The following ATP9A variants were observed in gnomAD, a reference collection of about 807,000 sequenced individuals.
ATP9A encodes the protein ATPase phospholipid transporting 9A.
In ATP9A, 52 loss-of-function variants were observed where a neutral mutation model predicts 144.1. The ratio of observed to expected loss-of-function variants is 0.36; its 90% CI spans 0.29 to 0.45. The LOEUF is 0.45. Ranked by LOEUF, ATP9A falls within the 20% of genes least tolerant of loss-of-function variation. The pLI is 1.00. For synonymous variants in ATP9A, 582 were observed against 557.4 expected, an observed-to-expected ratio of 1.04 and a Z score of -0.62; for missense variants, 947 against 1,392.7, an observed-to-expected ratio of 0.68 and a Z score of 5.09.
chr20:51,612,717 G>A (rs1325297912), intron 23 of ATP9A, among the ~76,000 whole-genome samples: 3 of 152,196 alleles, frequency 2.0e-5, no homozygotes, highest in South Asian at 2.1e-4. Context: ...GAGCCACTGC[G>A]CCTGGCCTAT....
At chr20:51,702,613 G>T (rs982295929) in intron 4 of ATP9A, among the ~76,000 whole-genome samples, 18 of 151,984 alleles carry the variant, frequency 1.2e-4, no homozygotes, top group African/African-American at 4.4e-4. Flanking sequence ...AAGAGGGAGA[G>T]AAAAGAGAGA....
At chr20:51,727,884 T>C (rs71351239) in intron 2 of ATP9A, among the ~76,000 whole-genome samples, 5,446 of 149,176 alleles carry the variant, frequency 0.037, 144 homozygotes, top group African/African-American at 0.069. Context: ...TGAGCCGAGA[T>C]CACGCCATTG....
In ATP9A at chr20:51,624,178, G is replaced by A. The variant is rs144369219; in HGVS notation, c.2016+1014C>T. ...CCAGGCCTGTGAGCCAAATGCAAGC[G>A]ACAGAATTGGGTTTACAAGGAAACA... On this transcript the variant is annotated intron_variant, in intron 18 of 27. Coordinates refer to ENST00000338821, the MANE Select transcript of ATP9A (RefSeq NM_006045.3). 1.7e-3 allele frequency among the ~76,000 whole-genome samples: 253 copies of A among 152,338 alleles called. 2 individuals carry two copies. Among genetic ancestry groups the A allele is most frequent in the African/African-American group, 5.9e-3 (245 of 41,590 alleles).
At chr20:51,601,901 T>G (rs1418372468) in intron 27 of ATP9A, among the ~76,000 whole-genome samples, 2 of 151,566 alleles carry the variant, frequency 1.3e-5, no homozygotes, top group African/African-American at 4.9e-5. Context: ...AATAAGACAC[T>G]GTCTCAAAAA....
chr20:51,643,002 T>G (rs549219042), intron 14 of ATP9A, among the ~76,000 whole-genome samples: 3 of 152,296 alleles, frequency 2.0e-5, no homozygotes, highest in African/African-American at 7.2e-5. Flanking sequence ...ATAAAGATCT[T>G]GGAGTAGATG....
chr20:51,675,104 G>A (rs989263421), intron 10 of ATP9A, among the ~76,000 whole-genome samples: 1 of 152,126 alleles, frequency 6.6e-6, no homozygotes, highest in Non-Finnish European at 1.5e-5. Flanking sequence ...GAGCCACCGT[G>A]CCCGGCCCTG....
chr20:51,675,998 AC>A lies in ATP9A; in HGVS notation c.876+133del, dbSNP rs1437162388. The stretch of plus-strand genomic sequence containing the variant: ...ATATGTATTTATTGCATACACACAC[AC>A]ACATATGCATAAAAAGATAAAATGT... On this transcript the variant is annotated intron_variant, in intron 10 of 27. Transcript: ENST00000338821. The A allele has an allele frequency of 4.8e-6, 3 of 624,296 alleles. No homozygotes were observed. In the African/African-American group the frequency reaches 5.5e-5, roughly 12 times the overall value. 38.7% of individuals were successfully genotyped at this position (624,296 alleles called of 1,614,324 possible).
chr20:51,657,072 C>T lies in ATP9A; in HGVS notation c.1372G>A (p.Glu458Lys), dbSNP rs767492582. Reference protein sequence around the residue: ...VRRTMSSRVHEAVKAIALCHN... With the variant: ...VRRTMSSRVHKAVKAIALCHN... ...CAGAGCGCGATGGCCTTCACGGCTT[C>T]GTGCACGCGGCTGCTCATGGTCCGC... Residue 458 changes from glutamate (E) to lysine (K), a missense_variant, in exon 14 of 28, where the codon GAA (glutamate) becomes AAA (lysine). Around this residue, in one of 2 missense-constraint regions of ATP9A, gnomAD observed 770 missense variants for 1,047.9 expected, o/e 0.73. Transcript: ENST00000338821. 8 of 1,614,052 alleles carry T rather than the reference C, an allele frequency of 5.0e-6. No individual in the cohort carries two copies. The highest frequency in any genetic ancestry group is 1.3e-5 in the African/African-American group (1 of 74,914).
At chr20:51,731,274 G>C (rs760107088) in intron 1 of ATP9A, among the ~76,000 whole-genome samples, 1 of 151,734 alleles carries the variant, frequency 6.6e-6, no homozygotes, top group Non-Finnish European at 1.5e-5. Flanking sequence ...ACTCCAGCCT[G>C]GGCAACAGAG....
chr20:51,742,955 T>C (rs1004123337), intron 1 of ATP9A, among the ~76,000 whole-genome samples: 1 of 152,200 alleles, frequency 6.6e-6, no homozygotes, highest in Non-Finnish European at 1.5e-5. Flanking sequence ...TTCCTGCCCA[T>C]GAATTCCTTA....
chr20:51,614,398 T>G (rs950905716), intron 22 of ATP9A, among the ~76,000 whole-genome samples: 1 of 152,122 alleles, frequency 6.6e-6, no homozygotes, highest in East Asian at 1.9e-4. Flanking sequence ...CCTCCCAGGT[T>G]CAAGCCATCC....
At chr20:51,658,959 G>A (rs1299071298) in intron 13 of ATP9A, among the ~76,000 whole-genome samples, 1 of 133,850 alleles carries the variant, frequency 7.5e-6, no homozygotes, top group Non-Finnish European at 1.5e-5. Context: ...ACACCTGCCT[G>A]CATCTCCAGC....
intron 19 of ATP9A, among the ~76,000 whole-genome samples, chr20:51,621,790 T>C (rs1265135674): frequency 6.6e-6 from 1 of 152,138 alleles, no homozygotes; most frequent in African/African-American, 2.4e-5. Flanking sequence ...GGGGAGTGCC[T>C]GACTTTCATC....
chr20:51,671,734 C>T (rs1042926237), intron 11 of ATP9A, among the ~76,000 whole-genome samples: 2 of 152,122 alleles, frequency 1.3e-5, no homozygotes, highest in Admixed American at 1.3e-4. Flanking sequence ...AACGCCCCAT[C>T]CCCCACCAAC....
chr20:51,600,017 G>A lies in ATP9A; in HGVS notation c.*1194C>T, dbSNP rs6512729. 277 of 152,250 alleles carry A rather than the reference G, an allele frequency of 1.8e-3. 1 individual carries two copies. The highest frequency in any genetic ancestry group is 6.3e-3 in the African/African-American group (260 of 41,526). 9.4% of individuals were successfully genotyped at this position (152,250 alleles called of 1,614,324 possible). A position where few individuals can be genotyped will look rare whatever the true frequency, so the allele number is the denominator to read the frequency against. The stretch of plus-strand genomic sequence containing the variant: ...AACATGCCGGCATGTAGTCCATCCT[G>A]GGAGGGGAGAAATCTTCACCACTGG... On this transcript the variant is annotated 3_prime_UTR_variant, in exon 28 of 28. Coordinates refer to ENST00000338821, the MANE Select transcript of ATP9A (RefSeq NM_006045.3).
rs182014735 is a variant in ATP9A at position 51,637,680 on chromosome 20, A to G, written c.1668+1663T>C. On this transcript the variant is annotated intron_variant, in intron 15 of 27. Coordinates refer to ENST00000338821, the MANE Select transcript of ATP9A (RefSeq NM_006045.3). ...CCAACAACCTATGTTATCAATTTCTACTTCTACTTGTGCACTCTGTTTTTT... is the reference window on the plus strand; with the variant it reads ...CCAACAACCTATGTTATCAATTTCTGCTTCTACTTGTGCACTCTGTTTTTT... Among the ~76,000 whole-genome samples the G allele has an allele frequency of 4.2e-3, 616 of 148,030 alleles. 3 individuals carry two copies. The highest frequency in any genetic ancestry group is 6.5e-3 in the Non-Finnish European group (438 of 67,296).
At chr20:51,690,934 T>G (rs2077545948) in intron 7 of ATP9A, 115 bp from the exon 8 acceptor site, 2 of 819,412 alleles carry the variant, frequency 2.4e-6, no homozygotes, top group Non-Finnish European at 2.0e-6. Flanking sequence ...AAATGGCCCC[T>G]CAAAATTACA....
In ATP9A at chr20:51,642,753, A is replaced by C. The variant is rs1189713091; in HGVS notation, c.1507-3249T>G. 3.1e-4 allele frequency among the ~76,000 whole-genome samples: 40 copies of C among 127,258 alleles called. 1 individual carries two copies. The highest frequency in any genetic ancestry group is 9.4e-4 in the African/African-American group (34 of 36,358). The allele number at this position is 127,258 out of a possible 152,430, so 83.5% of individuals were successfully genotyped here. ...AAAAAAAAAAAAAAAAAAAAAAAAA[A>C]AAAAAAAAAAACCTGGCGTTCCTCT... is the stretch of plus-strand genomic sequence containing the variant. On this transcript the variant is annotated intron_variant, in intron 14 of 27. Transcript: ENST00000338821.
rs6021394 is a variant in ATP9A at position 51,710,878 on chromosome 20, A to T, written c.436+2088T>A. On this transcript the variant is annotated intron_variant, in intron 4 of 27. Coordinates refer to ENST00000338821, the MANE Select transcript of ATP9A (RefSeq NM_006045.3). ...ATTGCAATATGAAAAGAACCAAAGG[A>T]GGGTCGAAGCCCGGATGGATGAATG... 4.8e-3 allele frequency among the ~76,000 whole-genome samples: 726 copies of T among 152,252 alleles called. 2 individuals are homozygous for T. The highest frequency in any genetic ancestry group is 0.017 in the African/African-American group (693 of 41,554).
Sources: gnomAD v4.1 joint callset for allele counts (sites outside exome capture counted in the v4.1 genomes callset) on GRCh38, gnomAD v4.1.1 for gene constraint, gnomAD v4.1.1 regional missense constraint, MANE v1.5 for transcripts, NCBI Gene and HGNC (gene_info 2026-07-23, HGNC 2026-07-21) for gene names.